TDRD7: variants seen among roughly 807,000 people sequenced by gnomAD.
TDRD7 encodes tudor domain containing 7.
In TDRD7, 47 loss-of-function variants were observed where a neutral mutation model predicts 109.8. That is an observed-to-expected ratio of 0.43 (90% confidence interval 0.34 to 0.55). TDRD7 has a LOEUF of 0.55. TDRD7 is among the 20% of genes least tolerant of loss of function. TDRD7 has a pLI of 0.03. For synonymous variants in TDRD7, 424 were observed against 457.3 expected (o/e 0.93, Z 0.93); for missense variants, 1,164 against 1,319.2 (o/e 0.88, Z 1.82).
Position 97,465,025 on chromosome 9 carries a change from A to G in TDRD7, c.1626A>G (p.Ile542Met), listed in dbSNP as rs1828799023. The change falls in exon 8 of 17, where the codon ATA becomes ATG. Residue 542 changes from isoleucine to methionine, a missense_variant. Physicochemically the swap from Ile to Met is conservative, Grantham distance 10. Around this residue, in one of 5 missense-constraint regions of TDRD7, gnomAD observed 261 missense variants for 336.2 expected, o/e 0.78. Transcript: ENST00000355295. Reference protein sequence around the residue: ...AQVISTEENKIKVCYVDYGFS... With the variant: ...AQVISTEENKMKVCYVDYGFS... The stretch of plus-strand genomic sequence containing the variant: ...TCATCTCAACAGAAGAGAACAAAAT[A>G]AAGGCAAGCACTGTTTACTTTGTCA... 6.2e-7 allele frequency: 1 copy of G among 1,613,578 alleles called. No homozygotes were observed. The highest frequency in any genetic ancestry group is 1.1e-5 in the South Asian group (1 of 91,014).
At chr9:97,424,847 C>T (rs1330279328) in intron 1 of TDRD7, among the ~76,000 whole-genome samples, 1 of 151,626 alleles carries the variant, frequency 6.6e-6, no homozygotes, top group Non-Finnish European at 1.5e-5. Flanking sequence ...TTTCTCTACC[C>T]TTTTTTTTCT....
intron 1 of TDRD7, among the ~76,000 whole-genome samples, chr9:97,413,151 G>T (rs1208460226): frequency 2.0e-5 from 3 of 152,008 alleles, no homozygotes; most frequent in Non-Finnish European, 4.4e-5. Flanking sequence ...CTCTCCAATC[G>T]TGCCGGTGAA....
intron 4 of TDRD7, among the ~76,000 whole-genome samples, chr9:97,435,025 A>AG (rs535454182): frequency 6.6e-6 from 1 of 152,226 alleles, no homozygotes; most frequent in African/African-American, 2.4e-5. Context: ...GGGTGATTTG[A>AG]GGGATGGGTA....
At chr9:97,431,207 T>C in intron 3 of TDRD7, 133 bp downstream of exon 3, 1 of 1,354,932 alleles carries the variant, frequency 7.4e-7, no homozygotes, top group South Asian at 1.2e-5. Flanking sequence ...GGAAAGATCC[T>C]GAAGCTAGCA....
intron 2 of TDRD7, 33 bp from the exon 3 acceptor site, chr9:97,430,900 T>C (rs779080545): frequency 3.1e-6 from 5 of 1,613,276 alleles, no homozygotes; most frequent in East Asian, 2.2e-5. Flanking sequence ...ATCTGAGAAA[T>C]GTTTCTCCTC....
Position 97,460,551 on chromosome 9 carries a change from C to G in TDRD7, c.1229C>G (p.Thr410Ser), listed in dbSNP as rs369891285. 1.2e-6 allele frequency: 2 copies of G among 1,614,104 alleles called. No homozygotes were observed. Among genetic ancestry groups the G allele is most frequent in the African/African-American group, 1.3e-5 (1 of 74,944 alleles). The change falls in exon 7 of 17, where the codon ACT becomes AGT. Residue 410 changes from threonine to serine, a missense_variant. Transcript: ENST00000355295. ...CTCTATGCTAAACTTCCATTGCCCACTGACAAAATCCAAAAGGATGCAGGG... is the reference window on the plus strand; with the variant it reads ...CTCTATGCTAAACTTCCATTGCCCAGTGACAAAATCCAAAAGGATGCAGGG... ...AILYAKLPLPTDKIQKDAGQA... is the reference protein window; with the variant it reads ...AILYAKLPLPSDKIQKDAGQA...
chr9:97,453,460 T>A (rs1300189121), intron 6 of TDRD7, among the ~76,000 whole-genome samples: 1 of 152,070 alleles, frequency 6.6e-6, no homozygotes, highest in East Asian at 1.9e-4. Flanking sequence ...AATCCTTCAT[T>A]GGCAACCCAG....
intron 1 of TDRD7, among the ~76,000 whole-genome samples, chr9:97,420,504 C>CT (rs1217296045): frequency 1.3e-5 from 2 of 152,158 alleles, no homozygotes; most frequent in African/African-American, 2.4e-5. Context: ...GTAGTTTCGC[C>CT]TTTTCCAGAA....
In TDRD7 at chr9:97,428,333, C is replaced by T. The variant is rs985652071; in HGVS notation, c.-6-127C>T. 9.4e-6 allele frequency: 9 copies of T among 956,410 alleles called. No individual in the cohort carries two copies. In the African/African-American group the frequency reaches 1.5e-4, roughly 16 times the overall value. 59.2% of individuals were successfully genotyped at this position (956,410 alleles called of 1,614,324 possible). A position where few individuals can be genotyped will look rare whatever the true frequency, so the allele number is the denominator to read the frequency against. On this transcript the variant is annotated intron_variant, in intron 1 of 16. Coordinates refer to ENST00000355295, the MANE Select transcript of TDRD7 (RefSeq NM_014290.3). ...TTCTCTACCGTGGCAGTTGTTTCCC[C>T]ATATTGTAATTGCACAGAAAGTATG...
rs1564206142 is a variant in TDRD7 at position 97,460,478 on chromosome 9, G to T, written c.1156G>T (p.Asp386Tyr). ...DALKNLASLS[D>Y]VCSIDYISGN... is the part of the protein sequence containing the mutation. ...CTTAAAAAATCTTGCCTCACTTTCT[G>T]ATGTATGCAGCATAGACTACATTTC... The change falls in exon 7 of 17, where the codon GAT (aspartate) becomes TAT (tyrosine). Residue 386 changes from aspartate to tyrosine, a missense_variant. Transcript: ENST00000355295. 6.2e-7 allele frequency: 1 copy of T among 1,614,210 alleles called. No homozygotes were observed. The highest frequency in any genetic ancestry group is 8.5e-7 in the Non-Finnish European group (1 of 1,180,042).
At position 97,495,953 on chromosome 9, in the gene TDRD7, A is replaced by C; in HGVS notation, c.*70A>C. 2 of 1,295,760 alleles carry C rather than the reference A, an allele frequency of 1.5e-6. No homozygotes were observed. The highest frequency in any genetic ancestry group is 2.2e-6 in the Non-Finnish European group (2 of 894,408). 80.3% of individuals were successfully genotyped at this position (1,295,760 alleles called of 1,614,324 possible). The stretch of plus-strand genomic sequence containing the variant: ...ATAACAAAATGTAGTAGGCTTAAAA[A>C]AAATCTTAACTCTGCTACATGGCTC... On this transcript the variant is annotated 3_prime_UTR_variant, in exon 17 of 17. Transcript: ENST00000355295.
chr9:97,478,588 G>T lies in TDRD7; in HGVS notation c.2301+15G>T. The T allele has an allele frequency of 6.2e-7, 1 of 1,613,680 alleles. No homozygotes were observed. Among genetic ancestry groups the T allele is most frequent in the Non-Finnish European group, 8.5e-7 (1 of 1,179,736 alleles). On this transcript the variant is annotated intron_variant, in intron 13 of 16. Transcript: ENST00000355295. ...TACCACCTCAGGTACTATGTTACCA[G>T]CCTGGGAGATTTGCTGGAACAGATT...
chr9:97,452,567 A>G (rs1174803526), intron 6 of TDRD7, among the ~76,000 whole-genome samples: 3 of 152,344 alleles, frequency 2.0e-5, no homozygotes, highest in Admixed American at 1.3e-4. Flanking sequence ...AACAATAAGA[A>G]TAATATAAAA....
chr9:97,463,840 A>T (rs1390445242), intron 7 of TDRD7, among the ~76,000 whole-genome samples: 2 of 152,244 alleles, frequency 1.3e-5, no homozygotes, highest in East Asian at 1.9e-4. Context: ...CCTGAAAAAA[A>T]ATATTTCTCA....
intron 16 of TDRD7, among the ~76,000 whole-genome samples, chr9:97,495,148 T>G (rs1829375610): frequency 6.6e-6 from 1 of 152,202 alleles, no homozygotes; most frequent in African/African-American, 2.4e-5. Flanking sequence ...CACCACCCGA[T>G]AGAGGAAAAG....
In TDRD7 at chr9:97,460,291, T is replaced by A. The variant is rs1828687847; in HGVS notation, c.969T>A (p.Gly323=). The A allele has an allele frequency of 1.2e-6, 2 of 1,614,206 alleles. No individual in the cohort carries two copies. The highest frequency in any genetic ancestry group is 4.5e-5 in the East Asian group (2 of 44,870). ...AAGTACCTCTATCCCCACTACCTGG[T>A]CCCAAACAAACACCACCGTTGAAAG... ...TEKVPLSPLP[G]PKQTPPLKGC... is the part of the protein sequence containing the mutation. The change falls in exon 7 of 17, where the codon GGT becomes GGA. Residue 323 remains glycine (G), a synonymous_variant. Coordinates refer to ENST00000355295, the MANE Select transcript of TDRD7 (RefSeq NM_014290.3).
At chr9:97,422,650 A>G (rs1827918934) in intron 1 of TDRD7, among the ~76,000 whole-genome samples, 1 of 152,210 alleles carries the variant, frequency 6.6e-6, no homozygotes, top group South Asian at 2.1e-4. Flanking sequence ...GTGAGTAATG[A>G]TGTTAACTGT....
At chr9:97,443,181 A>G (rs1380890439) in intron 6 of TDRD7, among the ~76,000 whole-genome samples, 1 of 152,068 alleles carries the variant, frequency 6.6e-6, no homozygotes, top group Non-Finnish European at 1.5e-5. Flanking sequence ...TCATTCATCC[A>G]TCCCATTTGC....
intron 11 of TDRD7, among the ~76,000 whole-genome samples, chr9:97,473,913 G>T (rs1490108332): frequency 6.6e-6 from 1 of 152,204 alleles, no homozygotes; most frequent in Non-Finnish European, 1.5e-5. Flanking sequence ...GCAATCGGTA[G>T]ATGTGTTATT....
Sources: allele counts gnomAD v4.1 joint callset (sites outside exome capture counted in the v4.1 genomes callset), GRCh38; gene constraint gnomAD v4.1.1; regional missense constraint gnomAD v4.1.1; transcripts MANE v1.5; gene names NCBI Gene and HGNC (gene_info 2026-07-23, HGNC 2026-07-21).